Variants in RAMP1 observed in about 807,000 individuals in gnomAD.
The protein encoded by RAMP1 is receptor activity modifying protein 1, also known as receptor activity-modifying protein 1.
RAMP1 carries 7 observed loss-of-function variants against 8.2 expected under a neutral mutation model. That is an observed-to-expected ratio of 0.85 (90% CI 0.49 to 1.60). The LOEUF (loss-of-function observed/expected upper bound fraction) is 1.60, where lower values mean the gene tolerates loss of function less well. Among genes scored for constraint, RAMP1 ranks in the 40% most tolerant of loss-of-function variants. The pLI is 0.00. For missense variants in RAMP1, 192 were observed against 202.4 expected (o/e 0.95, Z 0.31); for synonymous variants, 92 against 84.7 (o/e 1.09, Z -0.47).
rs531030482 is a variant in RAMP1, at chr2:237,860,610, C to T, written c.52+883C>T. On this transcript the variant is annotated intron_variant, in intron 1 of 2. Transcript: ENST00000254661. ...TTCCGTGTATTTAGCTACCTTTTAACGGAAACTGTGAATAGGTTACTGGCG... is the reference window on the plus strand; with the variant it reads ...TTCCGTGTATTTAGCTACCTTTTAATGGAAACTGTGAATAGGTTACTGGCG... Among the ~76,000 whole-genome samples the T allele has an allele frequency of 9.2e-5, 14 of 152,346 alleles. 1 individual carries two copies. In the South Asian group the frequency reaches 2.9e-3, roughly 32 times the overall value.
upstream of RAMP1, chr2:237,858,989 C>G (rs2062105026): frequency 1.3e-5 from 2 of 153,078 alleles, no homozygotes; most frequent in Non-Finnish European, 2.9e-5. The surrounding 1 kb of genome is among the most constrained non-coding windows in gnomAD (Gnocchi z 4.4). Flanking sequence ...TACCCATCAA[C>G]AGCAAGACTC....
intron 2 of RAMP1, among the ~76,000 whole-genome samples, chr2:237,910,116 C>G (rs1461491079): frequency 6.6e-6 from 1 of 152,072 alleles, no homozygotes; most frequent in Non-Finnish European, 1.5e-5. Context: ...GTGGTGAAGT[C>G]CATATGGGGT....
chr2:237,866,578 G>A (rs534493710), intron 1 of RAMP1, among the ~76,000 whole-genome samples: 2 of 152,110 alleles, frequency 1.3e-5, no homozygotes, highest in South Asian at 2.1e-4. Context: ...GGGGTGGGGC[G>A]CCGAACCCCC....
At chr2:237,908,682 C>G (rs552602444) in intron 2 of RAMP1, among the ~76,000 whole-genome samples, 1 of 152,118 alleles carries the variant, frequency 6.6e-6, no homozygotes, top group Non-Finnish European at 1.5e-5. Context: ...GTGATCCACC[C>G]GCCTCAGCCT....
At chr2:237,897,924 G>T (rs2062559433) in intron 2 of RAMP1, among the ~76,000 whole-genome samples, 1 of 152,084 alleles carries the variant, frequency 6.6e-6, no homozygotes, top group Non-Finnish European at 1.5e-5. Context: ...TCAGCCTCCT[G>T]AGTAGATGGG....
intron 1 of RAMP1, among the ~76,000 whole-genome samples, chr2:237,872,534 C>T (rs558227292): frequency 6.6e-6 from 1 of 152,354 alleles, no homozygotes; most frequent in Admixed American, 6.5e-5. Context: ...AGACATGGGT[C>T]ACCCACAGCC....
chr2:237,871,092 GC>G (rs1469440933), intron 1 of RAMP1, among the ~76,000 whole-genome samples: 1 of 152,228 alleles, frequency 6.6e-6, no homozygotes, highest in Non-Finnish European at 1.5e-5. Flanking sequence ...CTGGCCCACG[GC>G]CCCGAGGACC....
chr2:237,908,952 G>T (rs1440792972), intron 2 of RAMP1, among the ~76,000 whole-genome samples: 1 of 152,158 alleles, frequency 6.6e-6, no homozygotes, highest in African/African-American at 2.4e-5. Context: ...CTTTGAGCCT[G>T]TTCCTACCCT....
At chr2:237,860,525 G>A (rs2062122392) in intron 1 of RAMP1, among the ~76,000 whole-genome samples, 1 of 152,196 alleles carries the variant, frequency 6.6e-6, no homozygotes, top group South Asian at 2.1e-4. Context: ...TCCCTTGTCT[G>A]TAATGTGTTC....
intron 1 of RAMP1, among the ~76,000 whole-genome samples, chr2:237,860,737 A>G (rs1306498399): frequency 1.3e-5 from 2 of 152,176 alleles, no homozygotes; most frequent in Admixed American, 6.5e-5. Flanking sequence ...CTGCCGCACA[A>G]GACCTCTTTG....
At chr2:237,867,107 C>T (rs1026032783) in intron 1 of RAMP1, among the ~76,000 whole-genome samples, 2 of 152,120 alleles carry the variant, frequency 1.3e-5, no homozygotes, top group East Asian at 1.9e-4. Flanking sequence ...TGGTATCTCA[C>T]GCCTGTAATC....
chr2:237,880,804 A>G (rs943354002), intron 2 of RAMP1, among the ~76,000 whole-genome samples: 1 of 152,116 alleles, frequency 6.6e-6, no homozygotes, highest in Admixed American at 6.6e-5. Context: ...CTTAAAGACA[A>G]CTGATGATAG....
chr2:237,887,572 A>G (rs1004012097), intron 2 of RAMP1, among the ~76,000 whole-genome samples: 1 of 152,230 alleles, frequency 6.6e-6, no homozygotes, highest in Non-Finnish European at 1.5e-5. Flanking sequence ...GCCTCACTCT[A>G]GGGCAGGCCA....
At chr2:237,872,933 T>C (rs1443834003) in intron 1 of RAMP1, among the ~76,000 whole-genome samples, 1 of 152,182 alleles carries the variant, frequency 6.6e-6, no homozygotes, top group African/African-American at 2.4e-5. Flanking sequence ...GGTGGAAGGA[T>C]TGCCTAAGCC....
At position 237,887,932 on chromosome 2, in the gene RAMP1, A is replaced by G. The variant is rs376790671; in HGVS notation, c.191+10570A>G. ...CTTGTCTGAAATAAATGACAACACT[A>G]TAAGAACTTGTGTACATATATCCTT... is the stretch of plus-strand genomic sequence containing the variant. On this transcript the variant is annotated intron_variant, in intron 2 of 2. Coordinates refer to ENST00000254661, the MANE Select transcript of RAMP1 (RefSeq NM_005855.4). Among the ~76,000 whole-genome samples, 14 of 152,358 alleles carry G rather than the reference A, an allele frequency of 9.2e-5. No individual in the cohort carries two copies. The East Asian group carries it at 1.9e-3, about 21-fold the overall frequency.
intron 1 of RAMP1, among the ~76,000 whole-genome samples, chr2:237,873,824 C>T (rs940774769): frequency 1.3e-5 from 2 of 152,226 alleles, no homozygotes; most frequent in African/African-American, 2.4e-5. Flanking sequence ...ACATCAGGCT[C>T]GTTTAAGAAA....
chr2:237,883,466 G>GC (rs919899385), intron 2 of RAMP1, among the ~76,000 whole-genome samples: 3 of 152,142 alleles, frequency 2.0e-5, no homozygotes, highest in Non-Finnish European at 4.4e-5. Context: ...TGGGAAGGAG[G>GC]CCCCCCGTGA....
At chr2:237,902,542 T>C (rs1323457425) in intron 2 of RAMP1, among the ~76,000 whole-genome samples, 3 of 150,646 alleles carry the variant, frequency 2.0e-5, no homozygotes, top group African/African-American at 4.9e-5. Context: ...CCACTCACCC[T>C]TCCACAGAGC....
intron 2 of RAMP1, among the ~76,000 whole-genome samples, chr2:237,895,298 C>T (rs1284156143): frequency 6.6e-6 from 1 of 152,148 alleles, no homozygotes; most frequent in Non-Finnish European, 1.5e-5. Context: ...GTCATGGGCT[C>T]CCATCAGAGA....
Sources: gnomAD v4.1 joint callset for allele counts (sites outside exome capture counted in the v4.1 genomes callset) on GRCh38, gnomAD v4.1.1 for gene constraint, Gnocchi (gnomAD v3.1) non-coding constraint, MANE v1.5 for transcripts, NCBI Gene and HGNC (gene_info 2026-07-23, HGNC 2026-07-21) for gene names.